The following SEMA3D variants were observed in gnomAD, a reference collection of about 807,000 sequenced individuals.
SEMA3D encodes semaphorin 3D.
SEMA3D carries 84 observed loss-of-function variants against 100.1 expected under a neutral mutation model. The ratio of observed to expected loss-of-function variants is 0.84; its 90% CI spans 0.70 to 1.01. SEMA3D has a LOEUF of 1.01. Ranked by LOEUF, SEMA3D falls within the 50% of genes least tolerant of loss-of-function variation. SEMA3D has a pLI of 0.00. For missense variants in SEMA3D, 875 were observed against 934.1 expected (o/e 0.94, Z 0.82); for synonymous variants, 312 against 320.7 (o/e 0.97, Z 0.29).
chr7:85,199,278 A>G, the SEMA3D span, among the ~76,000 whole-genome samples: 9 of 151,940 alleles, frequency 5.9e-5, no homozygotes, highest in Non-Finnish European at 1.2e-4. Flanking sequence ...GTATATTTGC[A>G]TAAGATTATG....
intron 18 of SEMA3D, among the ~76,000 whole-genome samples, chr7:85,005,852 G>A (rs1279131706): frequency 6.6e-6 from 1 of 151,950 alleles, no homozygotes; most frequent in South Asian, 2.1e-4. Context: ...ATTACTGGAG[G>A]TTGAGATCCA....
At chr7:85,185,685 T>C (rs997891478) in intron 1 of SEMA3D, among the ~76,000 whole-genome samples, 1 of 152,152 alleles carries the variant, frequency 6.6e-6, no homozygotes, top group Non-Finnish European at 1.5e-5. Context: ...CCTCCTCCTG[T>C]CAACTTCCCT....
chr7:85,039,766 A>G (rs1308269238), intron 11 of SEMA3D, among the ~76,000 whole-genome samples: 1 of 152,126 alleles, frequency 6.6e-6, no homozygotes, highest in African/African-American at 2.4e-5. Flanking sequence ...AAATAGTCAT[A>G]ACAGCCACAC....
intron 2 of SEMA3D, chr7:85,140,962 A>G (rs1372125453): frequency 3.5e-6 from 2 of 578,556 alleles, no homozygotes; most frequent in African/African-American, 2.0e-5. Context: ...TTTTCTATGC[A>G]TATACATAAA....
intron 4 of SEMA3D, among the ~76,000 whole-genome samples, chr7:85,090,606 C>A (rs1358093177): frequency 6.6e-6 from 1 of 152,076 alleles, no homozygotes; most frequent in Non-Finnish European, 1.5e-5. Flanking sequence ...GTTATTTATT[C>A]TTTTCTTTTC....
At chr7:85,203,317 T>C in the SEMA3D span, among the ~76,000 whole-genome samples, 3 of 152,208 alleles carry the variant, frequency 2.0e-5, no homozygotes, top group African/African-American at 7.2e-5. Context: ...CATGTGTTTA[T>C]AGACTGATTA....
chr7:85,157,899 T>A (rs887075053), intron 1 of SEMA3D, among the ~76,000 whole-genome samples: 7 of 152,160 alleles, frequency 4.6e-5, no homozygotes, highest in Non-Finnish European at 4.4e-5. Context: ...CCCAAATTAA[T>A]ACTTTTATAA....
At chr7:85,071,061 G>A (rs1327991314) in intron 6 of SEMA3D, among the ~76,000 whole-genome samples, 1 of 152,018 alleles carries the variant, frequency 6.6e-6, no homozygotes, top group East Asian at 1.9e-4. Context: ...CACTGCGTCC[G>A]GCCAGCACTT....
the SEMA3D span, among the ~76,000 whole-genome samples, chr7:85,211,280 A>G: frequency 1.3e-5 from 2 of 152,146 alleles, no homozygotes; most frequent in East Asian, 1.9e-4. Context: ...CTGTTCTTCA[A>G]TTTTCCTCTA....
Position 85,042,159 on chromosome 7 carries a change from G to A in SEMA3D, c.976+12C>T, listed in dbSNP as rs760711882. On this transcript the variant is annotated intron_variant, in intron 10 of 18. Coordinates refer to ENST00000284136, the MANE Select transcript of SEMA3D (RefSeq NM_001384900.1). ...AAGGCCTTTCCAAGAAAGAAGGAAA[G>A]AAGGAACTTACGAAGCTCATCAAAG... The A allele has an allele frequency of 2.2e-5, 34 of 1,563,510 alleles. 1 individual carries two copies. In the South Asian group the frequency reaches 3.7e-4, roughly 17 times the overall value.
chr7:85,162,631 G>A (rs561638529), intron 1 of SEMA3D, among the ~76,000 whole-genome samples: 29 of 152,222 alleles, frequency 1.9e-4, no homozygotes, highest in African/African-American at 6.7e-4. Flanking sequence ...AAGATGCAGT[G>A]GAGTGGAGCA....
intron 4 of SEMA3D, among the ~76,000 whole-genome samples, chr7:85,093,024 A>C (rs1249960267): frequency 6.6e-6 from 1 of 152,110 alleles, no homozygotes; most frequent in Non-Finnish European, 1.5e-5. Flanking sequence ...TTTCTTGTAG[A>C]ACTAGCTAAT....
chr7:85,140,678 T>C, intron 2 of SEMA3D: 1 of 980,416 alleles, frequency 1.0e-6, no homozygotes, highest in Non-Finnish European at 1.2e-6. Context: ...TATTAAGTGC[T>C]TCTGTTAAGG....
intron 2 of SEMA3D, among the ~76,000 whole-genome samples, chr7:85,132,980 G>A (rs1789768233): frequency 6.6e-6 from 1 of 151,896 alleles, no homozygotes; most frequent in African/African-American, 2.4e-5. Context: ...CAGTTCCCCA[G>A]TGCATACGCA....
chr7:85,082,423 A>G (rs1035319366), intron 4 of SEMA3D, among the ~76,000 whole-genome samples: 3 of 152,230 alleles, frequency 2.0e-5, no homozygotes, highest in African/African-American at 7.2e-5. Flanking sequence ...TGCAAAATAA[A>G]TTTTAAGCAG....
At chr7:85,190,853 T>A (rs1362445910), upstream of SEMA3D, among the ~76,000 whole-genome samples, 2 of 152,060 alleles carry the variant, frequency 1.3e-5, no homozygotes, top group African/African-American at 2.4e-5. Flanking sequence ...TAAACATTCA[T>A]AGTCAGAAGA....
the SEMA3D span, among the ~76,000 whole-genome samples, chr7:85,204,347 T>TAAAAAAAAAA: frequency 6.9e-6 from 1 of 144,164 alleles, no homozygotes. Context: ...CTAATACAGT[T>TAAAAAAAAAA]AAAAAAAAAA....
At chr7:85,238,266 A>G in the SEMA3D span, among the ~76,000 whole-genome samples, 1 of 152,134 alleles carries the variant, frequency 6.6e-6, no homozygotes, top group Non-Finnish European at 1.5e-5. Flanking sequence ...TGTCATATCT[A>G]AAAAGTTATT....
intron 3 of SEMA3D, among the ~76,000 whole-genome samples, chr7:85,111,224 A>G (rs1345418414): frequency 1.3e-5 from 2 of 152,008 alleles, no homozygotes; most frequent in East Asian, 3.9e-4. Context: ...AGATTTAAAA[A>G]TTTCTATATG....
Sources: gnomAD v4.1 joint callset for allele counts (sites outside exome capture counted in the v4.1 genomes callset) on GRCh38, gnomAD v4.1.1 for gene constraint, MANE v1.5 for transcripts, NCBI Gene and HGNC (gene_info 2026-07-23, HGNC 2026-07-21) for gene names.